Variants in BBS9 observed in about 807,000 individuals in gnomAD.
The protein encoded by BBS9 is protein PTHB1.
A neutral mutation model predicts 117.7 loss-of-function variants in BBS9; 89 were observed. The observed-to-expected ratio is 0.76, with a 90% CI of 0.64 to 0.90. The LOEUF (loss-of-function observed/expected upper bound fraction) is 0.90, where lower values mean the gene tolerates loss of function less well. BBS9 is among the 40% of genes least tolerant of loss of function. The probability of loss-of-function intolerance (pLI) is 0.00; values close to 1 mark genes in which losing one functional copy is unlikely to be tolerated. For missense variants in BBS9, 982 were observed against 1,042.2 expected (o/e 0.94, Z 0.80); for synonymous variants, 379 against 370.9 (o/e 1.02, Z -0.25).
At chr7:33,277,330 T>A (rs1310172046) in intron 9 of BBS9, among the ~76,000 whole-genome samples, 2 of 152,212 alleles carry the variant, frequency 1.3e-5, no homozygotes, top group Non-Finnish European at 2.9e-5. Flanking sequence ...AAGAGCCCCA[T>A]ATTTTTTATC....
chr7:33,542,738 T>TATACAC (rs1852555773), intron 21 of BBS9, among the ~76,000 whole-genome samples: 1 of 149,378 alleles, frequency 6.7e-6, no homozygotes, highest in Admixed American at 6.6e-5. Flanking sequence ...TGTGTATATG[T>TATACAC]GTGTGTATAT....
intron 19 of BBS9, among the ~76,000 whole-genome samples, chr7:33,439,541 T>TG (rs199895659): frequency 9.3e-5 from 14 of 150,726 alleles, no homozygotes; most frequent in African/African-American, 3.2e-4. Flanking sequence ...ACCTTTTTTT[T>TG]TTTTTTGGGA....
At chr7:33,270,697 A>G (rs1051944550) in intron 7 of BBS9, among the ~76,000 whole-genome samples, 5 of 152,212 alleles carry the variant, frequency 3.3e-5, no homozygotes, top group Non-Finnish European at 7.3e-5. Flanking sequence ...AACCTCCAAG[A>G]CATTTGGCAT....
intron 9 of BBS9, among the ~76,000 whole-genome samples, chr7:33,280,908 T>G (rs1353303059): frequency 8.8e-6 from 1 of 113,910 alleles, no homozygotes; most frequent in African/African-American, 3.9e-5. Context: ...ATTTGTCGTT[T>G]TTGTTTTTTT....
chr7:33,327,472 G>C (rs774555305), intron 9 of BBS9, among the ~76,000 whole-genome samples: 1 of 152,156 alleles, frequency 6.6e-6, no homozygotes, highest in Non-Finnish European at 1.5e-5. Context: ...GGTTGAAGCA[G>C]GAGGATCACC....
At chr7:33,253,316 A>G (rs1796515845) in intron 5 of BBS9, among the ~76,000 whole-genome samples, 1 of 152,190 alleles carries the variant, frequency 6.6e-6, no homozygotes. Flanking sequence ...GATGGCTTAA[A>G]TAAGAAAGAT....
chr7:33,565,809 A>ATATATATATATATATG (rs1856793655), intron 21 of BBS9, among the ~76,000 whole-genome samples: 2 of 49,490 alleles, frequency 4.0e-5, no homozygotes, highest in Non-Finnish European at 6.4e-5. Context: ...ATATATATAT[A>ATATATATATATATATG]TATATATATA....
At chr7:33,438,694 C>G (rs1340383506) in intron 19 of BBS9, among the ~76,000 whole-genome samples, 1 of 152,146 alleles carries the variant, frequency 6.6e-6, no homozygotes, top group Non-Finnish European at 1.5e-5. Context: ...CCATACACTA[C>G]TTGTAGGAGC....
chr7:33,252,894 A>C (rs753129649), intron 5 of BBS9, among the ~76,000 whole-genome samples: 3 of 152,152 alleles, frequency 2.0e-5, no homozygotes, highest in Non-Finnish European at 4.4e-5. Context: ...AAAAGTATAT[A>C]GAAAAAGTAA....
At chr7:33,557,776 C>T (rs1444420259) in intron 21 of BBS9, among the ~76,000 whole-genome samples, 1 of 152,248 alleles carries the variant, frequency 6.6e-6, no homozygotes, top group African/African-American at 2.4e-5. Flanking sequence ...TTGGGACATC[C>T]TCCGTGGATT....
intron 4 of BBS9, among the ~76,000 whole-genome samples, chr7:33,168,927 A>G (rs1384666550): frequency 6.6e-6 from 1 of 152,036 alleles, no homozygotes; most frequent in Non-Finnish European, 1.5e-5. Context: ...ATCATCTAGC[A>G]TTAGGTATAT....
At chr7:33,166,650 C>T (rs1456111945) in intron 4 of BBS9, among the ~76,000 whole-genome samples, 3 of 152,190 alleles carry the variant, frequency 2.0e-5, no homozygotes, top group African/African-American at 4.8e-5. Context: ...GCTCCATGGG[C>T]GTGGGACCCA....
intron 19 of BBS9, among the ~76,000 whole-genome samples, chr7:33,474,729 C>T (rs973015977): frequency 1.2e-4 from 18 of 152,052 alleles, no homozygotes; most frequent in African/African-American, 3.1e-4. Context: ...AGGTGGTTCA[C>T]GAGGTCAGAA....
chr7:33,170,573 A>G (rs1216063831), intron 4 of BBS9, among the ~76,000 whole-genome samples: 1 of 151,040 alleles, frequency 6.6e-6, no homozygotes, highest in Non-Finnish European at 1.5e-5. Flanking sequence ...CACCACTCCT[A>G]TTCAGCATAG....
At chr7:33,483,542 T>C (rs949848143) in intron 19 of BBS9, among the ~76,000 whole-genome samples, 7 of 152,188 alleles carry the variant, frequency 4.6e-5, no homozygotes, top group African/African-American at 1.4e-4. Flanking sequence ...ATCAAGGTCA[T>C]ATCTAGGAAA....
intron 12 of BBS9, among the ~76,000 whole-genome samples, chr7:33,345,119 T>G (rs1261461453): frequency 3.3e-5 from 5 of 152,218 alleles, no homozygotes; most frequent in African/African-American, 1.2e-4. Flanking sequence ...TTTAAGTGGA[T>G]GTATTTACAG....
intron 21 of BBS9, among the ~76,000 whole-genome samples, chr7:33,586,469 C>T (rs1224638430): frequency 6.6e-6 from 1 of 152,016 alleles, no homozygotes; most frequent in Non-Finnish European, 1.5e-5. Context: ...AGTTCAGCCA[C>T]TATAAAGAGC....
intron 21 of BBS9, among the ~76,000 whole-genome samples, chr7:33,562,080 G>A (rs1856169919): frequency 2.6e-5 from 4 of 152,172 alleles, no homozygotes; most frequent in Admixed American, 2.0e-4. Flanking sequence ...TTCAAAGTAG[G>A]AATATAAGTA....
intron 21 of BBS9, among the ~76,000 whole-genome samples, chr7:33,561,934 C>A (rs755446729): frequency 1.3e-5 from 2 of 152,144 alleles, no homozygotes; most frequent in Non-Finnish European, 2.9e-5. Context: ...AGACATGTTA[C>A]CAACAATAGT....
Sources: gnomAD v4.1 joint callset for allele counts (sites outside exome capture counted in the v4.1 genomes callset) on GRCh38, gnomAD v4.1.1 for gene constraint, MANE v1.5 for transcripts, NCBI Gene and HGNC (gene_info 2026-07-23, HGNC 2026-07-21) for gene names.